EPB41L1: variants seen among roughly 807,000 people sequenced by gnomAD.
The protein encoded by EPB41L1 is erythrocyte membrane protein band 4.1 like 1, also known as band 4.1-like protein 1.
EPB41L1 carries 29 observed loss-of-function variants against 97.8 expected under a neutral mutation model. The ratio of observed to expected loss-of-function variants is 0.30; its 90% CI spans 0.22 to 0.40. The LOEUF (loss-of-function observed/expected upper bound fraction) is 0.40. EPB41L1 is among the 10% of genes least tolerant of loss of function. The pLI is 1.00. For missense variants in EPB41L1, 812 were observed against 1,162.3 expected (o/e 0.70, Z 4.38); for synonymous variants, 383 against 459.2 (o/e 0.83, Z 2.12).
chr20:36,179,483 C>G (rs2061386760), intron 5 of EPB41L1, among the ~76,000 whole-genome samples: 1 of 152,222 alleles, frequency 6.6e-6, no homozygotes, highest in Non-Finnish European at 1.5e-5. Flanking sequence ...TTTTCAAGGC[C>G]TGGGGTGAAG....
chr20:36,132,078 G>A (rs557462469), intron 2 of EPB41L1, among the ~76,000 whole-genome samples: 3 of 152,316 alleles, frequency 2.0e-5, no homozygotes, highest in Admixed American at 1.3e-4. Flanking sequence ...TGAGGAGGGC[G>A]TTTCAGTCTG....
chr20:36,108,470 T>G (rs1601247561), intron 1 of EPB41L1, among the ~76,000 whole-genome samples: 1 of 134,914 alleles, frequency 7.4e-6, no homozygotes. Context: ...AGACCAGGAG[T>G]TCGAGACCAG....
chr20:36,120,581 G>T (rs2058719942), intron 2 of EPB41L1, among the ~76,000 whole-genome samples: 1 of 152,122 alleles, frequency 6.6e-6, no homozygotes, highest in African/African-American at 2.4e-5. Context: ...CCTGAGCCCT[G>T]GACAACCAGA....
At chr20:36,168,506 T>C (rs1310574048) in intron 1 of EPB41L1, among the ~76,000 whole-genome samples, 1 of 151,934 alleles carries the variant, frequency 6.6e-6, no homozygotes, top group African/African-American at 2.4e-5. Context: ...GTCTCAGGCT[T>C]GTTTTATTGG....
chr20:36,118,531 CTT>C (rs1209163547), intron 2 of EPB41L1, among the ~76,000 whole-genome samples: 1 of 152,168 alleles, frequency 6.6e-6, no homozygotes, highest in Non-Finnish European at 1.5e-5. Context: ...CAGCTCAGCA[CTT>C]GCCAGAACAA....
chr20:36,206,315 G>C lies in EPB41L1; in HGVS notation c.1669-3173G>C, dbSNP rs1322853380. ...CTGGAGGAGCCTCACACTTGTGGGA[G>C]ACCCACTGCTCCAGGGACCAGGCCA... is the stretch of plus-strand genomic sequence containing the variant. On this transcript the variant is annotated intron_variant, in intron 14 of 21. Transcript: ENST00000338074. This position sits in a 1 kb window ranked among gnomAD's most constrained non-coding sequence, Gnocchi z 5.5. 7.8e-7 allele frequency: 1 copy of C among 1,289,932 alleles called. No individual in the cohort carries two copies. The highest frequency in any genetic ancestry group is 1.0e-6 in the Non-Finnish European group (1 of 988,914). 79.9% of individuals were successfully genotyped at this position (1,289,932 alleles called of 1,614,324 possible).
intron 6 of EPB41L1, among the ~76,000 whole-genome samples, chr20:36,182,612 A>G (rs765763067): frequency 6.6e-6 from 1 of 152,178 alleles, no homozygotes; most frequent in African/African-American, 2.4e-5. Context: ...ATTTAAGAGG[A>G]CAGAAGCCAC....
intron 2 of EPB41L1, among the ~76,000 whole-genome samples, chr20:36,137,796 T>C (rs138781337): frequency 0.02 from 3,113 of 152,306 alleles, 113 homozygotes; most frequent in African/African-American, 0.072. Flanking sequence ...AGTGCTGGGA[T>C]TGCAGGCATG....
In EPB41L1 at chr20:36,197,929, A is replaced by G. The variant is rs1384079427; in HGVS notation, c.1556A>G (p.Lys519Arg). Residue 519 changes from lysine (K) to arginine (R), a missense_variant, in exon 14 of 22, where the codon AAG becomes AGG. By Grantham distance (26) the Lys-to-Arg change is conservative. This residue lies in a region of EPB41L1 where 498 missense variants were observed against 622.7 expected (regional missense o/e 0.80). Coordinates refer to ENST00000338074, the MANE Select transcript of EPB41L1 (RefSeq NM_012156.2). Reference sequence around the variant, plus strand: ...ATCAATGAGCTCAAAAGGACCCTGAAGGAGCCCAACAGCAAACTCATCCAC... The same window carrying G: ...ATCAATGAGCTCAAAAGGACCCTGAGGGAGCCCAACAGCAAACTCATCCAC... ...ASINELKRTLKEPNSKLIHRD... is the reference protein window; with the variant it reads ...ASINELKRTLREPNSKLIHRD... 1 of 1,614,188 alleles carries G rather than the reference A, an allele frequency of 6.2e-7. No individual in the cohort carries two copies. Among genetic ancestry groups the G allele is most frequent in the Non-Finnish European group, 8.5e-7 (1 of 1,180,032 alleles).
intron 2 of EPB41L1, among the ~76,000 whole-genome samples, chr20:36,119,654 GGGGAGGGGAGAGGAGGGGAA>G (rs1053181007): frequency 6.6e-5 from 10 of 150,380 alleles, no homozygotes; most frequent in Non-Finnish European, 8.9e-5. Flanking sequence ...GAGGAGGGGA[GGGGAGGGGAGAGGAGGGGAA>G]GGGAGGGGAA....
chr20:36,197,821 G>A, intron 13 of EPB41L1, 38 bp from the exon 14 acceptor site: 3 of 1,613,884 alleles, frequency 1.9e-6, no homozygotes, highest in Non-Finnish European at 2.5e-6. Flanking sequence ...GCTTGGAGCT[G>A]TTCCCCTAAC....
chr20:36,143,743 T>C (rs542703303), intron 2 of EPB41L1, among the ~76,000 whole-genome samples: 3 of 152,346 alleles, frequency 2.0e-5, no homozygotes, highest in Admixed American at 6.5e-5. Context: ...TGTATGTGTG[T>C]GCAGGTGCAT....
intron 4 of EPB41L1, 28 bp from the exon 5 acceptor site, chr20:36,178,602 C>G: frequency 5.6e-6 from 9 of 1,612,630 alleles, no homozygotes; most frequent in Non-Finnish European, 7.6e-6. Context: ...TGCGTCTTCC[C>G]TCTGAAGATC....
chr20:36,147,680 C>T (rs1053866363), intron 2 of EPB41L1, among the ~76,000 whole-genome samples: 1 of 152,150 alleles, frequency 6.6e-6, no homozygotes, highest in Non-Finnish European at 1.5e-5. Flanking sequence ...TCTGCAATGG[C>T]GATGTTAATT....
chr20:36,092,419 G>A lies in EPB41L1; in HGVS notation c.-65+807G>A, dbSNP rs1051056874. Among the ~76,000 whole-genome samples, 2 of 152,068 alleles carry A rather than the reference G, an allele frequency of 1.3e-5. No individual in the cohort carries two copies. The highest frequency in any genetic ancestry group is 2.9e-5 in the Non-Finnish European group (2 of 67,992). Reference sequence around the variant, plus strand: ...AGCCGGCGGCGGGTCCCCAGCGCCGGGAGGGTTCGCGGGGCTCAGCCCCTT... The same window carrying A: ...AGCCGGCGGCGGGTCCCCAGCGCCGAGAGGGTTCGCGGGGCTCAGCCCCTT... On this transcript the variant is annotated intron_variant, in intron 1 of 19. Coordinates refer to the EPB41L1 transcript ENST00000202028. The surrounding 1 kb of genome is among the most constrained non-coding windows in gnomAD (Gnocchi z 7.0).
chr20:36,194,110 T>C, intron 11 of EPB41L1, 102 bp from the exon 12 acceptor site: 2 of 1,479,894 alleles, frequency 1.4e-6, no homozygotes, highest in Non-Finnish European at 9.3e-7. Context: ...TGTGGAAGAG[T>C]TGGCTCCACT....
rs554466679 is a variant in EPB41L1 at position 36,228,901 on chromosome 20, C to T, written c.2638-431C>T. Among the ~76,000 whole-genome samples the T allele has an allele frequency of 2.0e-5, 3 of 152,072 alleles. No individual in the cohort carries two copies. In the East Asian group the frequency reaches 5.8e-4, roughly 29 times the overall value. Reference sequence around the variant, plus strand: ...TAAAATGATGATGATCTTAGCTTCTCGGTGTTAAAGGACATTTTAACACAT... The same window carrying T: ...TAAAATGATGATGATCTTAGCTTCTTGGTGTTAAAGGACATTTTAACACAT... On this transcript the variant is annotated intron_variant, in intron 21 of 21. Transcript: ENST00000338074.
rs2062138002 is a variant in EPB41L1 at position 36,195,246 on chromosome 20, T to C, written c.1450-83T>C. 1 of 1,574,932 alleles carries C rather than the reference T, an allele frequency of 6.3e-7. No homozygotes were observed. The highest frequency in any genetic ancestry group is 1.1e-5 in the South Asian group (1 of 89,842). ...AGTGTGCGTGCTCTGGGCTCCTTGC[T>C]GGACCAAGCCCATCGTGGTATCTCT... On this transcript the variant is annotated intron_variant, in intron 12 of 21. Transcript: ENST00000338074. This position sits in a 1 kb window ranked among gnomAD's most constrained non-coding sequence, Gnocchi z 4.6.
chr20:36,100,529 T>C (rs2057978260), intron 1 of EPB41L1, among the ~76,000 whole-genome samples: 2 of 152,202 alleles, frequency 1.3e-5, no homozygotes, highest in African/African-American at 2.4e-5. Context: ...TGCTAAGCGC[T>C]TTACATGCCT....
Sources: gnomAD v4.1 joint callset for allele counts (sites outside exome capture counted in the v4.1 genomes callset) on GRCh38, gnomAD v4.1.1 for gene constraint, gnomAD v4.1.1 regional missense constraint, Gnocchi (gnomAD v3.1) non-coding constraint, MANE v1.5 for transcripts, NCBI Gene and HGNC (gene_info 2026-07-23, HGNC 2026-07-21) for gene names.